ARHGAP15: variants seen among roughly 807,000 people sequenced by gnomAD.
ARHGAP15 encodes the protein Rho GTPase activating protein 15, also known as rho GTPase-activating protein 15.
A neutral mutation model predicts 63.7 loss-of-function variants in ARHGAP15; 51 were observed. The observed-to-expected ratio is 0.80, with a 90% confidence interval of 0.64 to 1.01. The LOEUF is 1.01. Ranked by LOEUF, ARHGAP15 falls within the 50% of genes least tolerant of loss-of-function variation. The pLI is 0.00. For synonymous variants in ARHGAP15, 191 were observed against 193.8 expected (o/e 0.99, Z 0.12); for missense variants, 560 against 564.6 (o/e 0.99, Z 0.08).
At chr2:143,718,829 T>A (rs1169830310) in intron 13 of ARHGAP15, among the ~76,000 whole-genome samples, 1 of 152,224 alleles carries the variant, frequency 6.6e-6, no homozygotes, top group East Asian at 1.9e-4. Context: ...TGGTAGATGC[T>A]GAGCTGGAAA....
At chr2:143,154,582 C>T (rs1251791706) in intron 1 of ARHGAP15, among the ~76,000 whole-genome samples, 1 of 151,882 alleles carries the variant, frequency 6.6e-6, no homozygotes, top group African/African-American at 2.4e-5. Flanking sequence ...GGGCTGTTTC[C>T]AGAAAATGAG....
chr2:143,307,821 A>G (rs949200937), intron 6 of ARHGAP15, among the ~76,000 whole-genome samples: 1 of 152,056 alleles, frequency 6.6e-6, no homozygotes, highest in African/African-American at 2.4e-5. Flanking sequence ...TCTTTTTTCT[A>G]CGATATAATT....
intron 5 of ARHGAP15, among the ~76,000 whole-genome samples, chr2:143,246,452 T>C (rs993956384): frequency 4.0e-5 from 6 of 151,824 alleles, no homozygotes; most frequent in African/African-American, 1.5e-4. Context: ...TCATAAGGGT[T>C]GAAGCTTTCA....
At chr2:143,159,992 C>T (rs920160029) in intron 2 of ARHGAP15, among the ~76,000 whole-genome samples, 5 of 151,884 alleles carry the variant, frequency 3.3e-5, no homozygotes, top group African/African-American at 9.7e-5. Flanking sequence ...ATTATTTTCT[C>T]GTAGCGAGTG....
intron 5 of ARHGAP15, among the ~76,000 whole-genome samples, chr2:143,249,972 C>A (rs949003608): frequency 4.6e-5 from 7 of 152,014 alleles, no homozygotes; most frequent in African/African-American, 7.2e-5. Flanking sequence ...GAAACACAAA[C>A]CTGAAAGGGG....
chr2:143,354,241 C>G (rs908251323), intron 6 of ARHGAP15, among the ~76,000 whole-genome samples: 2 of 152,096 alleles, frequency 1.3e-5, no homozygotes, highest in African/African-American at 4.8e-5. Context: ...TCCAAGGAAC[C>G]GCGTTCACCT....
chr2:143,469,783 T>C (rs897839248), intron 8 of ARHGAP15, among the ~76,000 whole-genome samples: 2 of 152,228 alleles, frequency 1.3e-5, no homozygotes, highest in South Asian at 2.1e-4. Flanking sequence ...GAGTGAAATA[T>C]ATTTTTAAAA....
At chr2:143,505,994 G>A (rs1429645546) in intron 9 of ARHGAP15, among the ~76,000 whole-genome samples, 1 of 152,148 alleles carries the variant, frequency 6.6e-6, no homozygotes, top group African/African-American at 2.4e-5. Flanking sequence ...AACCTGTTAT[G>A]TTAATATATT....
intron 9 of ARHGAP15, among the ~76,000 whole-genome samples, chr2:143,501,597 C>T (rs780976697): frequency 4.6e-5 from 7 of 152,082 alleles, no homozygotes; most frequent in Non-Finnish European, 8.8e-5. Flanking sequence ...CTCTAGCATC[C>T]GTTTCTTATG....
chr2:143,358,780 T>C (rs953766061), intron 6 of ARHGAP15, among the ~76,000 whole-genome samples: 1 of 151,922 alleles, frequency 6.6e-6, no homozygotes, highest in Non-Finnish European at 1.5e-5. Flanking sequence ...CTTATGTATG[T>C]ATATGTATGT....
intron 2 of ARHGAP15, among the ~76,000 whole-genome samples, chr2:143,183,934 G>T (rs919747011): frequency 2.0e-5 from 3 of 152,106 alleles, no homozygotes; most frequent in Non-Finnish European, 4.4e-5. Flanking sequence ...TGCTGTGATT[G>T]CCCTTGCTCT....
At chr2:143,440,565 AT>A (rs1689829421) in intron 8 of ARHGAP15, among the ~76,000 whole-genome samples, 1 of 152,196 alleles carries the variant, frequency 6.6e-6, no homozygotes, top group South Asian at 2.1e-4. Context: ...ACAGGTGGTG[AT>A]TTCGTTGTCC....
chr2:143,323,909 A>AC (rs1684135314), intron 6 of ARHGAP15, among the ~76,000 whole-genome samples: 5 of 150,448 alleles, frequency 3.3e-5, no homozygotes, highest in African/African-American at 9.8e-5. Context: ...AAAAAAAAAA[A>AC]AAAAAAAAAA....
intron 13 of ARHGAP15, among the ~76,000 whole-genome samples, chr2:143,752,091 C>T (rs970293537): frequency 1.3e-4 from 20 of 152,112 alleles, no homozygotes; most frequent in African/African-American, 3.6e-4. Context: ...TTCTCTGAGT[C>T]GGGCCCCCTT....
chr2:143,624,653 G>A (rs1223372486), intron 12 of ARHGAP15, among the ~76,000 whole-genome samples: 1 of 152,132 alleles, frequency 6.6e-6, no homozygotes, highest in Non-Finnish European at 1.5e-5. Flanking sequence ...AGGATCCTAA[G>A]TGAATTAAAT....
At chr2:143,391,018 C>T (rs1687516358) in intron 6 of ARHGAP15, among the ~76,000 whole-genome samples, 1 of 152,134 alleles carries the variant, frequency 6.6e-6, no homozygotes, top group Non-Finnish European at 1.5e-5. Context: ...CTGGGGTCTC[C>T]TGTGGAGAGT....
At chr2:143,763,394 C>T (rs956947186) in intron 13 of ARHGAP15, among the ~76,000 whole-genome samples, 1 of 151,984 alleles carries the variant, frequency 6.6e-6, no homozygotes, top group Non-Finnish European at 1.5e-5. Flanking sequence ...GTTTGGGGGC[C>T]TTCTTTGCTG....
intron 11 of ARHGAP15, among the ~76,000 whole-genome samples, chr2:143,563,609 A>C (rs913669398): frequency 6.6e-6 from 1 of 152,216 alleles, no homozygotes; most frequent in East Asian, 1.9e-4. Context: ...TTCCATATAG[A>C]CTTGACTACT....
At chr2:143,141,750 G>C (rs890910385) in intron 1 of ARHGAP15, among the ~76,000 whole-genome samples, 1 of 152,084 alleles carries the variant, frequency 6.6e-6, no homozygotes, top group South Asian at 2.1e-4. Context: ...CTTCATTTGC[G>C]ATCTTACCAG....
Sources: allele counts gnomAD v4.1 joint callset (sites outside exome capture counted in the v4.1 genomes callset), GRCh38; gene constraint gnomAD v4.1.1; transcripts MANE v1.5; gene names NCBI Gene and HGNC (gene_info 2026-07-23, HGNC 2026-07-21).